Variants in CAMTA1 observed in about 807,000 individuals in gnomAD.
CAMTA1 encodes the protein calmodulin-binding transcription activator 1.
In CAMTA1, 27 loss-of-function variants were observed where a neutral mutation model predicts 170.9. The ratio of observed to expected loss-of-function variants is 0.16; its 90% CI spans 0.12 to 0.22. CAMTA1 has a LOEUF of 0.22. CAMTA1 is among the 10% of genes least tolerant of loss of function. CAMTA1 has a pLI of 1.00. For missense variants in CAMTA1, 1,619 were observed against 2,217.2 expected, an observed-to-expected ratio of 0.73 and a Z score of 5.42; for synonymous variants, 833 against 891.5, an observed-to-expected ratio of 0.93 and a Z score of 1.17.
chr1:7,410,894 CGTCTGTGTGTGTGT>C (rs1296108823), intron 5 of CAMTA1, among the ~76,000 whole-genome samples: 1 of 91,928 alleles, frequency 1.1e-5, no homozygotes, highest in African/African-American at 5.7e-5. Context: ...GGAGGGTGGG[CGTCTGTGTGTGTGT>C]GTGTGTGTGT....
chr1:7,347,286 C>A (rs1314292158), intron 5 of CAMTA1, among the ~76,000 whole-genome samples: 2 of 152,184 alleles, frequency 1.3e-5, no homozygotes, highest in Non-Finnish European at 2.9e-5. Context: ...CTGGACTCAT[C>A]CCTCATTTTC....
rs946449088 is a variant in CAMTA1 at position 7,110,869 on chromosome 1, G to A, written c.302+19498G>A. On this transcript the variant is annotated intron_variant, in intron 4 of 22. Coordinates refer to ENST00000303635, the MANE Select transcript of CAMTA1 (RefSeq NM_015215.4). Reference sequence around the variant, plus strand: ...TTAACTGTAGTGTCCTCTCCTCTATGTAACAAACCACTGAGAACTTAATTG... The same window carrying A: ...TTAACTGTAGTGTCCTCTCCTCTATATAACAAACCACTGAGAACTTAATTG... Among the ~76,000 whole-genome samples, 4 of 152,194 alleles carry A rather than the reference G, an allele frequency of 2.6e-5. No individual in the cohort carries two copies. In the South Asian group the frequency reaches 8.3e-4, roughly 32 times the overall value.
At chr1:7,097,149 C>T (rs532524319) in intron 4 of CAMTA1, among the ~76,000 whole-genome samples, 1 of 152,330 alleles carries the variant, frequency 6.6e-6, no homozygotes, top group South Asian at 2.1e-4. Flanking sequence ...CGTAGCTGCA[C>T]GTGCTTTGTT....
intron 3 of CAMTA1, among the ~76,000 whole-genome samples, chr1:6,881,240 G>T (rs1030372524): frequency 3.3e-5 from 5 of 152,236 alleles, no homozygotes; most frequent in African/African-American, 9.6e-5. Context: ...AGAAATGTCA[G>T]TGATAGTGTG....
rs1463913363 is a variant in CAMTA1, at chr1:7,685,850, G to A, written c.2914+8117G>A. ...GACAGGACAAATGGCCGTTCTTTCT[G>A]TTTTCCCCAACCTACCTCTCTGATA... On this transcript the variant is annotated intron_variant, in intron 11 of 22. Transcript: ENST00000303635. The surrounding 1 kb of genome is among the most constrained non-coding windows in gnomAD (Gnocchi z 5.7). 6.6e-6 allele frequency among the ~76,000 whole-genome samples: 1 copy of A among 152,128 alleles called. No homozygotes were observed. Among genetic ancestry groups the A allele is most frequent in the Non-Finnish European group, 1.5e-5 (1 of 68,028 alleles).
chr1:7,187,234 G>C lies in CAMTA1; in HGVS notation c.303-62257G>C, dbSNP rs1245998302. Among the ~76,000 whole-genome samples, 3 of 152,116 alleles carry C rather than the reference G, an allele frequency of 2.0e-5. No individual in the cohort carries two copies. In the East Asian group the frequency reaches 5.8e-4, roughly 29 times the overall value. On this transcript the variant is annotated intron_variant, in intron 4 of 22. Transcript: ENST00000303635. ...AAGCAGTCCCAGACTCAAGAATCCT[G>C]ACCAGTGCCAGCCTGCAGAGTTTTT...
intron 3 of CAMTA1, among the ~76,000 whole-genome samples, chr1:6,859,692 G>A (rs1663893742): frequency 6.6e-6 from 1 of 152,222 alleles, no homozygotes; most frequent in South Asian, 2.1e-4. Context: ...GGGAAGCTAA[G>A]GTGGGAGGAT....
At chr1:6,833,225 C>G (rs183566029) in intron 3 of CAMTA1, among the ~76,000 whole-genome samples, 1 of 152,258 alleles carries the variant, frequency 6.6e-6, no homozygotes, top group Non-Finnish European at 1.5e-5. Context: ...GAAGAAATTC[C>G]TGTGGGTCTT....
intron 5 of CAMTA1, among the ~76,000 whole-genome samples, chr1:7,272,712 A>AAAAAAAAAG (rs1670017608): frequency 1.1e-4 from 12 of 109,934 alleles, no homozygotes; most frequent in Middle Eastern, 4.8e-3. Flanking sequence ...AAAAAAAAAA[A>AAAAAAAAAG]AAAAGAAAAG....
chr1:7,111,884 CCA>C (rs1491425368), intron 4 of CAMTA1, among the ~76,000 whole-genome samples: 2 of 89,036 alleles, frequency 2.2e-5, no homozygotes, highest in Non-Finnish European at 4.2e-5. Flanking sequence ...GACTCCATCT[CCA>C]AAAAAAAAAA....
At chr1:7,088,634 C>T (rs1641064368) in intron 3 of CAMTA1, among the ~76,000 whole-genome samples, 1 of 152,138 alleles carries the variant, frequency 6.6e-6, no homozygotes, top group African/African-American at 2.4e-5. Context: ...CTGAAGGATG[C>T]CCATGAAAGT....
chr1:7,056,812 T>C (rs981765474), intron 3 of CAMTA1, among the ~76,000 whole-genome samples: 2 of 152,140 alleles, frequency 1.3e-5, no homozygotes, highest in Non-Finnish European at 2.9e-5. Context: ...AAAGGAGTTT[T>C]GACAGGTGAC....
intron 3 of CAMTA1, among the ~76,000 whole-genome samples, chr1:6,828,851 C>T (rs1489171103): frequency 2.0e-5 from 3 of 150,634 alleles, no homozygotes; most frequent in South Asian, 2.1e-4. Context: ...AATCAAAGGC[C>T]TACAAACCTA....
intron 11 of CAMTA1, chr1:7,694,377 T>A (rs1172772404): frequency 1.3e-5 from 2 of 152,162 alleles, no homozygotes; most frequent in South Asian, 2.1e-4. Flanking sequence ...AGAGCTCCAG[T>A]TTTCCTAGAT....
At chr1:7,160,567 T>C (rs1209487029) in intron 4 of CAMTA1, among the ~76,000 whole-genome samples, 2 of 152,202 alleles carry the variant, frequency 1.3e-5, no homozygotes, top group Admixed American at 1.3e-4. Flanking sequence ...TCTCTTCTCT[T>C]TGTGACCTCC....
chr1:7,283,144 C>T (rs755590417), intron 5 of CAMTA1, among the ~76,000 whole-genome samples: 10 of 152,060 alleles, frequency 6.6e-5, no homozygotes, highest in East Asian at 3.8e-4. Flanking sequence ...CTAACCTCAC[C>T]GCTGCAGGCA....
At chr1:7,122,131 C>T (rs1156268726) in intron 4 of CAMTA1, among the ~76,000 whole-genome samples, 1 of 152,026 alleles carries the variant, frequency 6.6e-6, no homozygotes, top group Admixed American at 6.6e-5. Flanking sequence ...TGGTACTGTG[C>T]ACGCTCCTCT....
intron 4 of CAMTA1, among the ~76,000 whole-genome samples, chr1:7,185,308 TAGC>T (rs1653034717): frequency 1.3e-5 from 2 of 152,076 alleles, no homozygotes; most frequent in South Asian, 4.2e-4. Context: ...CACTAAAAGG[TAGC>T]AGGGTGATAT....
rs1223483591 is a variant in CAMTA1, at chr1:7,007,336, C to T, written c.235-83968C>T. ...AGAGGAGACTTGGAAGTGAGGGACC[C>T]GAAAATGGGAACCCTTGCTAAGGAC... On this transcript the variant is annotated intron_variant, in intron 3 of 22. Transcript: ENST00000303635. The surrounding 1 kb of genome is among the most constrained non-coding windows in gnomAD (Gnocchi z 4.5). 6.6e-6 allele frequency among the ~76,000 whole-genome samples: 1 copy of T among 152,142 alleles called. No homozygotes were observed. The highest frequency in any genetic ancestry group is 1.5e-5 in the Non-Finnish European group (1 of 68,028).
Sources: allele counts gnomAD v4.1 joint callset (sites outside exome capture counted in the v4.1 genomes callset), GRCh38; gene constraint gnomAD v4.1.1; non-coding constraint Gnocchi (gnomAD v3.1); transcripts MANE v1.5; gene names NCBI Gene and HGNC (gene_info 2026-07-23, HGNC 2026-07-21).